Variants in VCAN observed in about 807,000 individuals in gnomAD.
VCAN encodes the protein versican core protein.
Under a neutral mutation model 245.5 loss-of-function variants are expected in VCAN, and 44 were observed. The observed-to-expected ratio is 0.18, with a 90% CI of 0.14 to 0.23. The LOEUF (loss-of-function observed/expected upper bound fraction) is 0.23, where lower values mean the gene tolerates loss of function less well. Among genes scored for constraint, VCAN ranks in the 10% least tolerant of loss-of-function variants. The probability of loss-of-function intolerance (pLI) is 1.00; values close to 1 mark genes in which losing one functional copy is unlikely to be tolerated. For missense variants in VCAN, 3,793 were observed against 4,057.9 expected, an observed-to-expected ratio of 0.93 and a Z score of 1.77; for synonymous variants, 1,413 against 1,437.0, an observed-to-expected ratio of 0.98 and a Z score of 0.38.
intron 6 of VCAN, among the ~76,000 whole-genome samples, chr5:83,515,522 A>G (rs1273744890): frequency 6.6e-6 from 1 of 152,208 alleles, no homozygotes; most frequent in East Asian, 1.9e-4. Context: ...AGCCATTTCT[A>G]TTGTTGATCA....
chr5:83,547,087 G>A (rs1747255138), intron 9 of VCAN, among the ~76,000 whole-genome samples: 2 of 152,160 alleles, frequency 1.3e-5, no homozygotes, highest in African/African-American at 4.8e-5. Context: ...GCATTTGAAT[G>A]ACAGCCTCGA....
chr5:83,538,188 G>A lies in VCAN; in HGVS notation c.5185G>A (p.Glu1729Lys). The change falls in exon 8 of 15, where the codon GAG becomes AAG. Residue 1729 changes from glutamate to lysine, a missense_variant. Physicochemically the swap from Glu to Lys is moderately conservative, Grantham distance 56. Transcript: ENST00000265077. Reference sequence around the variant, plus strand: ...TGAGGAAAAGAAAAGGAAGGAGGAGGAGGGAACTACAGGTACGGCTTCTAC... The same window carrying A: ...TGAGGAAAAGAAAAGGAAGGAGGAGAAGGGAACTACAGGTACGGCTTCTAC... ...TVEEKKRKEE[E>K]GTTGTASTFE... 1 of 1,613,892 alleles carries A rather than the reference G, an allele frequency of 6.2e-7. No individual in the cohort carries two copies. Among genetic ancestry groups the A allele is most frequent in the Middle Eastern group, 1.7e-4 (1 of 6,060 alleles).
At position 83,557,250 on chromosome 5, in the gene VCAN, G is replaced by A. The variant is rs1353503892; in HGVS notation, c.9735+2212G>A. ...CCCATCTATTTCTAATCTGTCATTG[G>A]TTACATAGATTTGATGTGTGTGTTT... On this transcript the variant is annotated intron_variant, in intron 12 of 14. Coordinates refer to ENST00000265077, the MANE Select transcript of VCAN (RefSeq NM_004385.5). Among the ~76,000 whole-genome samples, 10 of 152,146 alleles carry A rather than the reference G, an allele frequency of 6.6e-5. No individual in the cohort carries two copies. The South Asian group carries it at 1.5e-3, about 22-fold the overall frequency.
At chr5:83,563,097 T>A (rs1428952862) in intron 12 of VCAN, among the ~76,000 whole-genome samples, 1 of 152,202 alleles carries the variant, frequency 6.6e-6, no homozygotes, top group Non-Finnish European at 1.5e-5. Flanking sequence ...AACTCCAGGC[T>A]GCCAGCATAG....
intron 12 of VCAN, among the ~76,000 whole-genome samples, chr5:83,570,174 C>T (rs372300578): frequency 3.9e-5 from 6 of 152,134 alleles, no homozygotes; most frequent in South Asian, 2.1e-4. Flanking sequence ...GAGAGTAACA[C>T]AGTGGGGCCA....
chr5:83,534,131 C>G (rs1183093055), intron 7 of VCAN: 2 of 151,964 alleles, frequency 1.3e-5, no homozygotes, highest in Non-Finnish European at 2.9e-5. Flanking sequence ...TTTCTCCACC[C>G]CACTTTTTTT....
chr5:83,506,605 G>T (rs1052467987), intron 5 of VCAN, among the ~76,000 whole-genome samples: 1 of 152,102 alleles, frequency 6.6e-6, no homozygotes, highest in East Asian at 1.9e-4. Flanking sequence ...CTTCTTCTGA[G>T]CCCTCCAAAC....
chr5:83,498,692 G>A (rs1745238339), intron 5 of VCAN, among the ~76,000 whole-genome samples: 1 of 152,110 alleles, frequency 6.6e-6, no homozygotes, highest in East Asian at 1.9e-4. Context: ...TTCTAGTTTT[G>A]CATGTTTAGC....
chr5:83,513,970 CA>C (rs1745758167), intron 6 of VCAN, among the ~76,000 whole-genome samples: 1 of 152,042 alleles, frequency 6.6e-6, no homozygotes. Flanking sequence ...AACTTTTAAA[CA>C]ACATTTTTCG....
At chr5:83,577,107 T>A (rs1455030801) in intron 13 of VCAN, among the ~76,000 whole-genome samples, 1 of 152,130 alleles carries the variant, frequency 6.6e-6, no homozygotes, top group Non-Finnish European at 1.5e-5. Context: ...ATCTTTTTTG[T>A]GTTTTAAGAA....
At chr5:83,476,848 CT>C (rs2112331911) in intron 1 of VCAN, among the ~76,000 whole-genome samples, 1 of 152,186 alleles carries the variant, frequency 6.6e-6, no homozygotes, top group African/African-American at 2.4e-5. Flanking sequence ...GATTTACCAA[CT>C]ATAAAAGGAT....
chr5:83,489,427 G>C (rs140799990), intron 2 of VCAN, among the ~76,000 whole-genome samples: 1 of 152,228 alleles, frequency 6.6e-6, no homozygotes, highest in Non-Finnish European at 1.5e-5. Context: ...ATTTTAGGAC[G>C]GTTAGGTGAA....
chr5:83,539,972 T>C lies in VCAN; in HGVS notation c.6969T>C (p.Gly2323=). The change falls in exon 8 of 15, where the codon GGT becomes GGC. Residue 2323 remains glycine (G), a synonymous_variant. Transcript: ENST00000265077. ...PLVSQTDIFE[G]SGSVTSTTLI... is the part of the protein sequence containing the mutation. ...TATCTCAAACAGACATCTTTGAAGGTAGTGGGTCAGTAACCAGCACAACAT... is the reference window on the plus strand; with the variant it reads ...TATCTCAAACAGACATCTTTGAAGGCAGTGGGTCAGTAACCAGCACAACAT... 1.2e-6 allele frequency: 2 copies of C among 1,614,066 alleles called. No individual in the cohort carries two copies. The highest frequency in any genetic ancestry group is 1.7e-6 in the Non-Finnish European group (2 of 1,179,972).
At chr5:83,517,112 C>T (rs553726608) in intron 6 of VCAN, among the ~76,000 whole-genome samples, 19 of 152,262 alleles carry the variant, frequency 1.2e-4, no homozygotes, top group African/African-American at 4.6e-4. Context: ...ATATTGCTAC[C>T]ACTTTATTAC....
Position 83,512,324 on chromosome 5 carries a change from A to C in VCAN, c.970A>C (p.Thr324Pro), listed in dbSNP as rs1245652268. The change falls in exon 6 of 15, where the codon ACC becomes CCC. Residue 324 changes from threonine (T) to proline (P), a missense_variant. This residue lies in a region of VCAN where 190 missense variants were observed against 288.6 expected (regional missense o/e 0.66). Transcript: ENST00000265077. The stretch of plus-strand genomic sequence containing the variant: ...TGGAGGTGGTCTACTTGGGGTGAGA[A>C]CCCTGTATCGTTTTGAGAACCAGAC... Reference protein sequence around the residue: ...QCGGGLLGVRTLYRFENQTGF... With the variant: ...QCGGGLLGVRPLYRFENQTGF... The C allele has an allele frequency of 1.9e-6, 3 of 1,611,666 alleles. No homozygotes were observed. In the African/African-American group the frequency reaches 4.0e-5, roughly 22 times the overall value.
rs1748644603 is a variant in VCAN, at chr5:83,580,739, T to G, written c.*305T>G. 1 of 378,596 alleles carries G rather than the reference T, an allele frequency of 2.6e-6. No individual in the cohort carries two copies. The highest frequency in any genetic ancestry group is 5.0e-6 in the Non-Finnish European group (1 of 198,110). 23.5% of individuals were successfully genotyped at this position (378,596 alleles called of 1,614,324 possible). A position where few individuals can be genotyped will look rare whatever the true frequency, so the allele number is the denominator to read the frequency against. ...ATGTATACCAGCCTACTGTACTATT[T>G]AAAATGCTCAATTTCAGCACCGATG... On this transcript the variant is annotated 3_prime_UTR_variant, in exon 15 of 15. Coordinates refer to ENST00000265077, the MANE Select transcript of VCAN (RefSeq NM_004385.5).
intron 13 of VCAN, among the ~76,000 whole-genome samples, chr5:83,577,231 C>T (rs1192818794): frequency 2.6e-5 from 4 of 152,034 alleles, no homozygotes; most frequent in South Asian, 2.1e-4. Flanking sequence ...ACAATTTTAT[C>T]GTGAGTTCCT....
Position 83,512,334 on chromosome 5 carries a change from G to A in VCAN, c.980G>A (p.Arg327His), listed in dbSNP as rs767345477. 8.7e-6 allele frequency: 14 copies of A among 1,611,008 alleles called. No individual in the cohort carries two copies. Among genetic ancestry groups the A allele is most frequent in the Non-Finnish European group, 1.1e-5 (13 of 1,177,378 alleles). Reference protein sequence around the residue: ...GGLLGVRTLYRFENQTGFPPP... With the variant: ...GGLLGVRTLYHFENQTGFPPP... ...CTACTTGGGGTGAGAACCCTGTATC[G>A]TTTTGAGAACCAGACAGGCTTCCCT... Residue 327 changes from arginine (R) to histidine (H), a missense_variant, in exon 6 of 15, where the codon CGT becomes CAT. Arg to His is a conservative substitution (Grantham distance 29, BLOSUM62 0). Around this residue, in one of 5 missense-constraint regions of VCAN, gnomAD observed 190 missense variants for 288.6 expected, o/e 0.66. Transcript: ENST00000265077.
At chr5:83,579,902 A>G (rs1748608958) in intron 13 of VCAN, 78 bp from the exon 14 acceptor site, 3 of 1,480,166 alleles carry the variant, frequency 2.0e-6, no homozygotes, top group Non-Finnish European at 2.8e-6. Flanking sequence ...TACCATAAAG[A>G]AAGAGAGAAA....
Sources: allele counts gnomAD v4.1 joint callset (sites outside exome capture counted in the v4.1 genomes callset), GRCh38; gene constraint gnomAD v4.1.1; regional missense constraint gnomAD v4.1.1; transcripts MANE v1.5; gene names NCBI Gene and HGNC (gene_info 2026-07-23, HGNC 2026-07-21).